RFC2: variants seen among roughly 807,000 people sequenced by gnomAD.
RFC2 encodes A1 40 kDa subunit.
In RFC2, 34 loss-of-function variants were observed where a neutral mutation model predicts 44.8. That is an observed-to-expected ratio of 0.76 (90% confidence interval 0.58 to 1.01). The LOEUF (loss-of-function observed/expected upper bound fraction) is 1.01, where lower values mean the gene tolerates loss of function less well. Among genes scored for constraint, RFC2 ranks in the 50% least tolerant of loss-of-function variants. The pLI is 0.00. For missense variants in RFC2, 400 were observed against 453.6 expected, an observed-to-expected ratio of 0.88 and a Z score of 1.07; for synonymous variants, 177 against 168.9, an observed-to-expected ratio of 1.05 and a Z score of -0.37.
At chr7:74,234,949 A>T (rs1802920775) in intron 10 of RFC2, among the ~76,000 whole-genome samples, 1 of 152,102 alleles carries the variant, frequency 6.6e-6, no homozygotes, top group African/African-American at 2.4e-5. Context: ...AGGAACTAAG[A>T]CACAGCCTCC....
chr7:74,239,477 G>A (rs1003190758), intron 7 of RFC2, among the ~76,000 whole-genome samples: 2 of 151,762 alleles, frequency 1.3e-5, no homozygotes, highest in Non-Finnish European at 2.9e-5. Context: ...GACTACAGGC[G>A]CCCACCACCA....
At chr7:74,248,557 A>G (rs1367302492) in intron 4 of RFC2, among the ~76,000 whole-genome samples, 4 of 151,302 alleles carry the variant, frequency 2.6e-5, no homozygotes, top group Admixed American at 2.6e-4. Flanking sequence ...TGGAGTGCTC[A>G]ACGGTGCGAT....
At chr7:74,252,584 G>C (rs1057478877) in intron 1 of RFC2, 86 bp from the exon 2 acceptor site, 11 of 813,832 alleles carry the variant, frequency 1.4e-5, no homozygotes, top group Non-Finnish European at 2.4e-5. Context: ...TGAGAGCTTT[G>C]TTAAAAAATT....
intron 2 of RFC2, 184 bp from the exon 3 acceptor site, chr7:74,249,964 CA>C (rs1786819586): frequency 1.6e-6 from 1 of 632,120 alleles, no homozygotes; most frequent in South Asian, 1.6e-5. Context: ...CCAGCCTGGG[CA>C]ACACAGTGAG....
chr7:74,233,604 T>C (rs113771074), intron 10 of RFC2, among the ~76,000 whole-genome samples: 1 of 148,026 alleles, frequency 6.8e-6, no homozygotes, highest in African/African-American at 2.5e-5. Context: ...GGTTTTTTTT[T>C]TTTTTTTTTT....
At chr7:74,252,549 C>A in intron 1 of RFC2, 51 bp from the exon 2 acceptor site, 1 of 1,022,048 alleles carries the variant, frequency 9.8e-7, no homozygotes, top group East Asian at 2.4e-5. Flanking sequence ...CACACTACCC[C>A]ACAAAAAGCA....
chr7:74,237,342 A>C lies in RFC2; in HGVS notation c.840+20T>G, dbSNP rs1459355114. 6.3e-7 allele frequency: 1 copy of C among 1,583,628 alleles called. No homozygotes were observed. Among genetic ancestry groups the C allele is most frequent in the Non-Finnish European group, 8.6e-7 (1 of 1,160,266 alleles). ...AGAAGTGAGCGGTTCCTCTGCCAGGACGGGGGGAAGGAGGCCAACCTTGTA... is the reference window on the plus strand; with the variant it reads ...AGAAGTGAGCGGTTCCTCTGCCAGGCCGGGGGGAAGGAGGCCAACCTTGTA... On this transcript the variant is annotated intron_variant, in intron 9 of 10. Coordinates refer to ENST00000055077, the MANE Select transcript of RFC2 (RefSeq NM_181471.3).
At chr7:74,244,873 G>A (rs1554719753) in intron 5 of RFC2, among the ~76,000 whole-genome samples, 2 of 151,816 alleles carry the variant, frequency 1.3e-5, no homozygotes, top group Non-Finnish European at 2.9e-5. Flanking sequence ...CTGAGGTGGA[G>A]GATCATTACA....
At chr7:74,235,410 G>A in intron 10 of RFC2, 122 bp downstream of exon 10, 1 of 716,166 alleles carries the variant, frequency 1.4e-6, no homozygotes, top group Non-Finnish European at 2.6e-6. Flanking sequence ...TCGAACTCCT[G>A]ACCTCAGGTG....
chr7:74,254,116 C>G (rs1241385853), intron 1 of RFC2, among the ~76,000 whole-genome samples, 155 bp downstream of exon 1: 1 of 152,192 alleles, frequency 6.6e-6, no homozygotes, highest in Non-Finnish European at 1.5e-5. Flanking sequence ...ATGTCCGTCG[C>G]CTTCTTGAAA....
intron 10 of RFC2, among the ~76,000 whole-genome samples, chr7:74,232,634 A>AG (rs1802794920): frequency 6.6e-6 from 1 of 152,206 alleles, no homozygotes; most frequent in Non-Finnish European, 1.5e-5. Context: ...TGGGAGGTCA[A>AG]GGCAGGTGGA....
At chr7:74,237,256 T>C (rs995376899) in intron 9 of RFC2, 106 bp downstream of exon 9, 10 of 711,172 alleles carry the variant, frequency 1.4e-5, no homozygotes, top group Non-Finnish European at 2.3e-5. Context: ...ATTTCAAGAA[T>C]GAATGGAGTG....
intron 6 of RFC2, among the ~76,000 whole-genome samples, chr7:74,241,510 C>T (rs891517732): frequency 1.3e-5 from 2 of 152,198 alleles, no homozygotes; most frequent in African/African-American, 2.4e-5. Flanking sequence ...ATGCGCTCGT[C>T]GGCAACAGCG....
intron 6 of RFC2, among the ~76,000 whole-genome samples, chr7:74,241,994 G>A (rs1168157997): frequency 6.6e-6 from 1 of 152,158 alleles, no homozygotes; most frequent in Non-Finnish European, 1.5e-5. Flanking sequence ...GAAACCAGCA[G>A]GAAGTTGACA....
chr7:74,233,226 A>T (rs1554717523), intron 10 of RFC2, among the ~76,000 whole-genome samples: 1 of 152,028 alleles, frequency 6.6e-6, no homozygotes, highest in African/African-American at 2.4e-5. Context: ...AACATAAAAA[A>T]GGTAGGCCAG....
chr7:74,250,677 C>T (rs1256324520), intron 2 of RFC2, among the ~76,000 whole-genome samples: 1 of 152,124 alleles, frequency 6.6e-6, no homozygotes, highest in Admixed American at 6.6e-5. Flanking sequence ...TTTCTTAAGC[C>T]CATTATCTCG....
intron 4 of RFC2, among the ~76,000 whole-genome samples, chr7:74,247,573 G>C (rs955953208): frequency 8.5e-5 from 13 of 152,176 alleles, no homozygotes; most frequent in African/African-American, 3.1e-4. Flanking sequence ...CCAGAAGGCA[G>C]AGGTTATGGT....
chr7:74,236,380 G>A (rs1325863400), intron 9 of RFC2, among the ~76,000 whole-genome samples: 2 of 152,198 alleles, frequency 1.3e-5, no homozygotes, highest in African/African-American at 4.8e-5. Context: ...TTCACATTGG[G>A]TGGAACTATG....
chr7:74,250,078 G>C (rs2116339832), intron 2 of RFC2, among the ~76,000 whole-genome samples: 1 of 151,612 alleles, frequency 6.6e-6, no homozygotes, highest in East Asian at 2.0e-4. Flanking sequence ...GGTTGAGCCT[G>C]AGAAGTGGAG....
Sources: gnomAD v4.1 joint callset for allele counts (sites outside exome capture counted in the v4.1 genomes callset) on GRCh38, gnomAD v4.1.1 for gene constraint, MANE v1.5 for transcripts, NCBI Gene and HGNC (gene_info 2026-07-23, HGNC 2026-07-21) for gene names.